Variants in COL5A2 observed in about 807,000 individuals in gnomAD.
COL5A2 encodes collagen alpha-2(V) chain.
A neutral mutation model predicts 208.2 loss-of-function variants in COL5A2; 23 were observed. The observed-to-expected ratio is 0.11, with a 90% CI of 0.08 to 0.16. The LOEUF (loss-of-function observed/expected upper bound fraction) is 0.16. COL5A2 is among the 10% of genes least tolerant of loss of function. The pLI is 1.00. For missense variants in COL5A2, 1,590 were observed against 1,956.4 expected (o/e 0.81, Z 3.53); for synonymous variants, 625 against 628.5 (o/e 0.99, Z 0.08).
intron 1 of COL5A2, among the ~76,000 whole-genome samples, chr2:189,212,919 G>A (rs114853171): frequency 0.014 from 2,032 of 149,802 alleles, 52 homozygotes; most frequent in African/African-American, 0.046. Context: ...ATGGAGTTTC[G>A]CTGCTGTTGC....
chr2:189,310,224 T>C, the COL5A2 span, among the ~76,000 whole-genome samples: 25 of 152,096 alleles, frequency 1.6e-4, no homozygotes, highest in Admixed American at 1.6e-3. Context: ...CCAGAAAATA[T>C]AAAGGTAACA....
the COL5A2 span, among the ~76,000 whole-genome samples, chr2:189,338,033 T>A: frequency 3.9e-5 from 6 of 152,218 alleles, no homozygotes; most frequent in African/African-American, 7.2e-5. Context: ...TTAATTTTTT[T>A]AAACAAAATT....
chr2:189,250,979 C>A, the COL5A2 span, among the ~76,000 whole-genome samples: 1 of 152,016 alleles, frequency 6.6e-6, no homozygotes, highest in Non-Finnish European at 1.5e-5. Flanking sequence ...GAGAACAGAA[C>A]CTGGAGCCAG....
the COL5A2 span, among the ~76,000 whole-genome samples, chr2:189,376,964 A>T: frequency 4.5e-4 from 68 of 152,310 alleles, 1 homozygote; most frequent in African/African-American, 1.5e-3. Flanking sequence ...ATTATAAAAT[A>T]TATTTAATAT....
chr2:189,332,898 T>C, the COL5A2 span, among the ~76,000 whole-genome samples: 2 of 152,216 alleles, frequency 1.3e-5, no homozygotes, highest in African/African-American at 2.4e-5. Flanking sequence ...GAGACAACAT[T>C]ATTAAATCTA....
At chr2:189,294,497 T>C in the COL5A2 span, among the ~76,000 whole-genome samples, 1 of 151,712 alleles carries the variant, frequency 6.6e-6, no homozygotes, top group African/African-American at 2.4e-5. Context: ...ATTATATTCC[T>C]AATAACCTGT....
intron 51 of COL5A2, among the ~76,000 whole-genome samples, chr2:189,037,708 G>A (rs1685471908): frequency 6.6e-6 from 1 of 152,016 alleles, no homozygotes. Context: ...AAAATGTCTT[G>A]GAACCTCATA....
chr2:189,312,852 A>T, the COL5A2 span, among the ~76,000 whole-genome samples: 1 of 152,010 alleles, frequency 6.6e-6, no homozygotes, highest in Non-Finnish European at 1.5e-5. Context: ...CCTACTGAAA[A>T]GTAGCTAGAC....
At chr2:189,181,986 T>C (rs1262255348), upstream of COL5A2, among the ~76,000 whole-genome samples, 1 of 152,232 alleles carries the variant, frequency 6.6e-6, no homozygotes, top group Non-Finnish European at 1.5e-5. Context: ...ATATTGTCCT[T>C]GTGAACTCTT....
the COL5A2 span, among the ~76,000 whole-genome samples, chr2:189,417,014 A>T: frequency 1.1e-3 from 170 of 152,286 alleles, no homozygotes; most frequent in African/African-American, 3.7e-3. Flanking sequence ...TTTTTGCTAC[A>T]TAAAGGATTT....
chr2:189,064,376 A>G (rs1686099631), intron 25 of COL5A2, among the ~76,000 whole-genome samples, 181 bp downstream of exon 25: 1 of 152,194 alleles, frequency 6.6e-6, no homozygotes, highest in African/African-American at 2.4e-5. Context: ...TGTTTTCTAT[A>G]TATGATAAAA....
chr2:189,362,864 T>C, the COL5A2 span, among the ~76,000 whole-genome samples: 1 of 152,084 alleles, frequency 6.6e-6, no homozygotes, highest in African/African-American at 2.4e-5. Context: ...TGAAAAGGCA[T>C]ATGATACAAA....
the COL5A2 span, among the ~76,000 whole-genome samples, chr2:189,267,987 A>G: frequency 2.6e-5 from 4 of 152,126 alleles, no homozygotes; most frequent in Admixed American, 2.6e-4. Context: ...TTGACTATTT[A>G]ATACAAAGAT....
At chr2:189,421,132 C>A in the COL5A2 span, among the ~76,000 whole-genome samples, 2 of 152,160 alleles carry the variant, frequency 1.3e-5, no homozygotes, top group South Asian at 4.2e-4. Context: ...CTATTTCTTG[C>A]AATTTTTTTT....
intron 1 of COL5A2, among the ~76,000 whole-genome samples, chr2:189,128,912 C>A (rs371286405): frequency 6.6e-6 from 1 of 151,924 alleles, no homozygotes; most frequent in African/African-American, 2.4e-5. Flanking sequence ...AACCTGAAAT[C>A]TCTCTCAATA....
the COL5A2 span, among the ~76,000 whole-genome samples, chr2:189,398,515 T>C: frequency 9.9e-5 from 15 of 152,134 alleles, no homozygotes; most frequent in Admixed American, 9.8e-4. Flanking sequence ...TTATTACTTA[T>C]CTCTCTTTAT....
intron 1 of COL5A2, among the ~76,000 whole-genome samples, chr2:189,173,766 T>C (rs1688619695): frequency 6.6e-6 from 1 of 152,210 alleles, no homozygotes; most frequent in Non-Finnish European, 1.5e-5. Flanking sequence ...TATAGTTTCA[T>C]GGATATAAAT....
chr2:189,243,222 A>AAGGGAGGGAGAG, the COL5A2 span, among the ~76,000 whole-genome samples: 98 of 152,114 alleles, frequency 6.4e-4, 1 homozygote, highest in East Asian at 0.014. Flanking sequence ...GAAGGGAAGA[A>AAGGGAGGGAGAG]AGGGAGGGAG....
At chr2:189,331,767 GGT>G in the COL5A2 span, among the ~76,000 whole-genome samples, 3 of 151,946 alleles carry the variant, frequency 2.0e-5, no homozygotes, top group Non-Finnish European at 4.4e-5. Flanking sequence ...TGGCTAACAT[GGT>G]GAAACCCCAT....
Sources: gnomAD v4.1 joint callset for allele counts (sites outside exome capture counted in the v4.1 genomes callset) on GRCh38, gnomAD v4.1.1 for gene constraint, MANE v1.5 for transcripts, NCBI Gene and HGNC (gene_info 2026-07-23, HGNC 2026-07-21) for gene names.